ARHGAP33: variants seen among roughly 807,000 people sequenced by gnomAD.
ARHGAP33 encodes rho GTPase-activating protein 33.
ARHGAP33 carries 57 observed loss-of-function variants against 126.2 expected under a neutral mutation model. The observed-to-expected ratio is 0.45, with a 90% CI of 0.36 to 0.56. The LOEUF is 0.56. Ranked by LOEUF, ARHGAP33 falls within the 20% of genes least tolerant of loss-of-function variation. ARHGAP33 has a pLI of 0.00. For missense variants in ARHGAP33, 1,500 were observed against 1,748.3 expected, an observed-to-expected ratio of 0.86 and a Z score of 2.53; for synonymous variants, 711 against 755.0, an observed-to-expected ratio of 0.94 and a Z score of 0.95.
rs781104643 is a variant in ARHGAP33 at position 35,788,267 on chromosome 19, C to T, written c.3702C>T (p.Leu1234=). The change falls in exon 21 of 21, where the codon CTC becomes CTT. Residue 1234 remains leucine (L), a synonymous_variant. Coordinates refer to ENST00000007510, the MANE Select transcript of ARHGAP33 (RefSeq NM_001366178.1). ...GPWGPPEPLL[L]YRAAPPAYGR... is the part of the protein sequence containing the mutation. Reference sequence around the variant, plus strand: ...GGGGCCCTCCTGAGCCTCTCCTGCTCTACAGGGCAGCCCCGCCAGCCTACG... The same window carrying T: ...GGGGCCCTCCTGAGCCTCTCCTGCTTTACAGGGCAGCCCCGCCAGCCTACG... 1.2e-6 allele frequency: 2 copies of T among 1,610,298 alleles called. No homozygotes were observed. Among genetic ancestry groups the T allele is most frequent in the Admixed American group, 1.7e-5 (1 of 59,460 alleles).
rs369589856 is a variant in ARHGAP33, at chr19:35,784,211, G to C, written c.1461G>C (p.Ala487=). The C allele has an allele frequency of 5.0e-6, 8 of 1,611,780 alleles. No individual in the cohort carries two copies. The highest frequency in any genetic ancestry group is 6.8e-6 in the Non-Finnish European group (8 of 1,178,828). Reference sequence around the variant, plus strand: ...AGTCAGTGGGAATGGGTGGCGCGGCGGCGTTCCGGGAAGTTCGGGTGCAGT... The same window carrying C: ...AGTCAGTGGGAATGGGTGGCGCGGCCGCGTTCCGGGAAGTTCGGGTGCAGT... The part of the protein sequence containing the change: ...ELESVGMGGA[A]AFREVRVQSV... Residue 487 remains alanine (A), a synonymous_variant, in exon 16 of 21, where the codon GCG becomes GCC. Coordinates refer to ENST00000007510, the MANE Select transcript of ARHGAP33 (RefSeq NM_001366178.1).
In ARHGAP33 at chr19:35,782,242, C is replaced by A; in HGVS notation, c.1086-131C>A. 1 of 1,018,406 alleles carries A rather than the reference C, an allele frequency of 9.8e-7. No individual in the cohort carries two copies. The highest frequency in any genetic ancestry group is 1.4e-6 in the Non-Finnish European group (1 of 689,660). The allele number at this position is 1,018,406 out of a possible 1,614,324, so 63.1% of individuals were successfully genotyped here. On this transcript the variant is annotated intron_variant, in intron 12 of 20. Coordinates refer to ENST00000007510, the MANE Select transcript of ARHGAP33 (RefSeq NM_001366178.1). The surrounding 1 kb of genome is among the most constrained non-coding windows in gnomAD (Gnocchi z 4.1). Reference sequence around the variant, plus strand: ...TCAGTAAGGTTCTGCCTCTGAAGAGCCCAGTGTAGGACCTGGGGAAGAGGG... The same window carrying A: ...TCAGTAAGGTTCTGCCTCTGAAGAGACCAGTGTAGGACCTGGGGAAGAGGG...
chr19:35,778,971 G>A (rs1406799910), intron 5 of ARHGAP33, 61 bp from the exon 6 acceptor site: 1 of 1,358,068 alleles, frequency 7.4e-7, no homozygotes. Flanking sequence ...GGGCAGTGTG[G>A]GAGGGCAGTG....
At position 35,786,770 on chromosome 19, in the gene ARHGAP33, C is replaced by A; in HGVS notation, c.2300C>A (p.Ala767Asp). 6.6e-7 allele frequency: 1 copy of A among 1,515,616 alleles called. No homozygotes were observed. The highest frequency in any genetic ancestry group is 8.8e-7 in the Non-Finnish European group (1 of 1,135,624). The allele number at this position is 1,515,616 out of a possible 1,614,324, so 93.9% of individuals were successfully genotyped here. A position where few individuals can be genotyped will look rare whatever the true frequency, so the allele number is the denominator to read the frequency against. Reference sequence around the variant, plus strand: ...GCCAGCCCAGCACCCCCCGCCCCTGCCTCTGCCTTCCCACCCAGGGTGACC... The same window carrying A: ...GCCAGCCCAGCACCCCCCGCCCCTGACTCTGCCTTCCCACCCAGGGTGACC... Reference protein sequence around the residue: ...PPASPAPPAPASAFPPRVTPQ... With the variant: ...PPASPAPPAPDSAFPPRVTPQ... Residue 767 changes from alanine to aspartate, a missense_variant, in exon 20 of 21, where the codon GCC becomes GAC. Coordinates refer to ENST00000007510, the MANE Select transcript of ARHGAP33 (RefSeq NM_001366178.1). The surrounding 1 kb of genome is among the most constrained non-coding windows in gnomAD (Gnocchi z 7.0).
At chr19:35,775,884 A>G (rs1179794594) in intron 1 of ARHGAP33, among the ~76,000 whole-genome samples, 3 of 150,946 alleles carry the variant, frequency 2.0e-5, no homozygotes, top group Non-Finnish European at 4.4e-5. Flanking sequence ...ATGGGGTGAC[A>G]GGGACCTAGG....
chr19:35,786,990 G>A lies in ARHGAP33; in HGVS notation c.2520G>A (p.Leu840=). The part of the protein sequence containing the change: ...RSLRPHLIPL[L]LRGAEAPLTD... ...TGCGCCCCCATCTCATACCCCTGCTGCTGCGAGGAGCCGAGGCCCCGCTGA... is the reference window on the plus strand; with the variant it reads ...TGCGCCCCCATCTCATACCCCTGCTACTGCGAGGAGCCGAGGCCCCGCTGA... Residue 840 remains leucine (L), a synonymous_variant, in exon 20 of 21, where the codon CTG becomes CTA. Coordinates refer to ENST00000007510, the MANE Select transcript of ARHGAP33 (RefSeq NM_001366178.1). This position sits in a 1 kb window ranked among gnomAD's most constrained non-coding sequence, Gnocchi z 7.0. The A allele has an allele frequency of 6.2e-7, 1 of 1,609,978 alleles. No homozygotes were observed. The highest frequency in any genetic ancestry group is 8.5e-7 in the Non-Finnish European group (1 of 1,178,646).
In ARHGAP33 at chr19:35,786,885, C is replaced by T. The variant is rs555757553; in HGVS notation, c.2415C>T (p.Pro805=). 514 of 1,608,092 alleles carry T rather than the reference C, an allele frequency of 3.2e-4. 1 individual carries two copies. The highest frequency in any genetic ancestry group is 2.0e-3 in the South Asian group (185 of 90,624). ...ISEPLAVSVP[P]AVLELLGAGG... ...AGCCCCTGGCTGTATCAGTGCCACC[C>T]GCTGTCCTAGAACTGCTGGGGGCTG... is the stretch of plus-strand genomic sequence containing the variant. The change falls in exon 20 of 21, where the codon CCC becomes CCT. Residue 805 remains proline, a synonymous_variant. Transcript: ENST00000007510. This position sits in a 1 kb window ranked among gnomAD's most constrained non-coding sequence, Gnocchi z 7.0.
In ARHGAP33 at chr19:35,782,689, G is replaced by C. The variant is rs745612698; in HGVS notation, c.1313+10G>C. On this transcript the variant is annotated intron_variant, in intron 14 of 20. Transcript: ENST00000007510. The surrounding 1 kb of genome is among the most constrained non-coding windows in gnomAD (Gnocchi z 4.1). The stretch of plus-strand genomic sequence containing the variant: ...CCCCACCACATTACAGGTAAACCAG[G>C]AGGGGCAGGGCGGGACTTGGTGGGA... 1.5e-5 allele frequency: 24 copies of C among 1,612,118 alleles called. No homozygotes were observed. Among genetic ancestry groups the C allele is most frequent in the Non-Finnish European group, 2.0e-5 (24 of 1,179,200 alleles).
intron 5 of ARHGAP33, 82 bp downstream of exon 5, chr19:35,778,683 G>C: frequency 6.6e-7 from 1 of 1,513,016 alleles, no homozygotes; most frequent in South Asian, 1.3e-5. Context: ...GCGGGATAGA[G>C]AAATATTTAA....
In ARHGAP33 at chr19:35,780,227, G is replaced by A. The variant is rs755028434; in HGVS notation, c.518G>A (p.Arg173Gln). Residue 173 changes from arginine to glutamine, a missense_variant, in exon 7 of 21, where the codon CGG (arginine) becomes CAG (glutamine). Around this residue, in one of 6 missense-constraint regions of ARHGAP33, gnomAD observed 75 missense variants for 152.7 expected, o/e 0.49. Transcript: ENST00000007510. The part of the protein sequence containing the change: ...LTWMELDNHG[R>Q]RLLLSEEASL... ...CTATTTCAGCTGGACAATCACGGCC[G>A]GCGACTGCTCCTCAGTGAGGAGGCG... 1.1e-5 allele frequency: 17 copies of A among 1,613,780 alleles called. No homozygotes were observed. The highest frequency in any genetic ancestry group is 3.3e-5 in the Admixed American group (2 of 59,994).
rs749239906 is a variant in ARHGAP33, at chr19:35,787,579, C to A, written c.3014C>A (p.Ala1005Glu). ...GPAQVSAQLR[A>E]GGGGRDAPEA... Reference sequence around the variant, plus strand: ...GCCCAGGTCAGTGCCCAGCTCAGGGCAGGTGGCGGGGGCAGGGATGCGCCA... The same window carrying A: ...GCCCAGGTCAGTGCCCAGCTCAGGGAAGGTGGCGGGGGCAGGGATGCGCCA... Residue 1005 changes from alanine to glutamate, a missense_variant, in exon 21 of 21, where the codon GCA (alanine) becomes GAA (glutamate). Ala to Glu is a moderately radical substitution (Grantham distance 107). Transcript: ENST00000007510. The A allele has an allele frequency of 6.2e-7, 1 of 1,609,226 alleles. No individual in the cohort carries two copies. The highest frequency in any genetic ancestry group is 8.5e-7 in the Non-Finnish European group (1 of 1,178,578).
At chr19:35,780,858 A>T in intron 10 of ARHGAP33, 42 bp downstream of exon 10, 1 of 1,613,126 alleles carries the variant, frequency 6.2e-7, no homozygotes, top group African/African-American at 1.3e-5. Flanking sequence ...CTACCCCACC[A>T]GGCCCCTGGC....
Position 35,788,236 on chromosome 19 carries a change from G to A in ARHGAP33, c.3671G>A (p.Gly1224Asp). ...WGPRTPHRVPGPWGPPEPLLL... is the reference protein window; with the variant it reads ...WGPRTPHRVPDPWGPPEPLLL... Reference sequence around the variant, plus strand: ...CCCCGTACCCCTCATAGGGTGCCGGGTCCCTGGGGCCCTCCTGAGCCTCTC... The same window carrying A: ...CCCCGTACCCCTCATAGGGTGCCGGATCCCTGGGGCCCTCCTGAGCCTCTC... Residue 1224 changes from glycine (G) to aspartate (D), a missense_variant, in exon 21 of 21, where the codon GGT (glycine) becomes GAT (aspartate). Physicochemically the swap from Gly to Asp is moderately conservative, Grantham distance 94 (BLOSUM62 -1). Transcript: ENST00000007510. 2 of 1,608,554 alleles carry A rather than the reference G, an allele frequency of 1.2e-6. No homozygotes were observed. Among genetic ancestry groups the A allele is most frequent in the Non-Finnish European group, 1.7e-6 (2 of 1,178,528 alleles).
In ARHGAP33 at chr19:35,780,208, C is replaced by G; in HGVS notation, c.502-3C>G. ...TCCTTGCCACATTCCACCTCTATTT[C>G]AGCTGGACAATCACGGCCGGCGACT... On this transcript the variant is annotated splice_region_variant and splice_polypyrimidine_tract_variant and intron_variant, in intron 6 of 20. Coordinates refer to ENST00000007510, the MANE Select transcript of ARHGAP33 (RefSeq NM_001366178.1). The G allele has an allele frequency of 6.2e-7, 1 of 1,613,628 alleles. No individual in the cohort carries two copies. Among genetic ancestry groups the G allele is most frequent in the Non-Finnish European group, 8.5e-7 (1 of 1,179,814 alleles).
chr19:35,777,555 G>A (rs1311593495), intron 1 of ARHGAP33, 90 bp from the exon 2 acceptor site: 23 of 1,096,154 alleles, frequency 2.1e-5, no homozygotes, highest in South Asian at 2.7e-5. Context: ...TGGAGCGCCC[G>A]GGGCTCTGGA....
At chr19:35,779,932 G>GT (rs1568424092) in intron 6 of ARHGAP33, 2 of 558,692 alleles carry the variant, frequency 3.6e-6, no homozygotes, top group Non-Finnish European at 6.8e-6. Context: ...AGGTGCAGAG[G>GT]TGGATGGGGA....
Position 35,786,207 on chromosome 19 carries a change from A to C in ARHGAP33, c.1943-206A>C. ...ATGTGAATCTGTTGGTCTCGTGCTC[A>C]CAGCCTGTGGGGCAGCCACAGGGCC... On this transcript the variant is annotated intron_variant, in intron 19 of 20. Transcript: ENST00000007510. This position sits in a 1 kb window ranked among gnomAD's most constrained non-coding sequence, Gnocchi z 7.0. The C allele has an allele frequency of 7.1e-7, 1 of 1,409,020 alleles. No homozygotes were observed. The highest frequency in any genetic ancestry group is 9.2e-7 in the Non-Finnish European group (1 of 1,086,468). 87.3% of individuals were successfully genotyped at this position (1,409,020 alleles called of 1,614,324 possible).
chr19:35,779,797 C>T (rs1449348773), intron 6 of ARHGAP33: 5 of 408,654 alleles, frequency 1.2e-5, no homozygotes, highest in African/African-American at 2.1e-5. Flanking sequence ...TGGTCTTGAA[C>T]TCCTGGGGTC....
chr19:35,786,148 A>C lies in ARHGAP33; in HGVS notation c.1943-265A>C. ...GGTACTGCCCTCCCACATACCCAGG[A>C]GCCCAGGTGCTGTCCTGCTGGCTCA... On this transcript the variant is annotated intron_variant, in intron 19 of 20. Coordinates refer to ENST00000007510, the MANE Select transcript of ARHGAP33 (RefSeq NM_001366178.1). This position sits in a 1 kb window ranked among gnomAD's most constrained non-coding sequence, Gnocchi z 7.0. 7.4e-7 allele frequency: 1 copy of C among 1,345,430 alleles called. No individual in the cohort carries two copies. The highest frequency in any genetic ancestry group is 9.5e-7 in the Non-Finnish European group (1 of 1,051,642). 83.3% of individuals were successfully genotyped at this position (1,345,430 alleles called of 1,614,324 possible).
Sources: allele counts gnomAD v4.1 joint callset (sites outside exome capture counted in the v4.1 genomes callset), GRCh38; gene constraint gnomAD v4.1.1; regional missense constraint gnomAD v4.1.1; non-coding constraint Gnocchi (gnomAD v3.1); transcripts MANE v1.5; gene names NCBI Gene and HGNC (gene_info 2026-07-23, HGNC 2026-07-21).